Variants in PTCH1 observed in about 807,000 individuals in gnomAD.
PTCH1 encodes protein patched homolog 1.
In PTCH1, 14 loss-of-function variants were observed where a neutral mutation model predicts 144.6. The observed-to-expected ratio is 0.10, with a 90% CI of 0.06 to 0.15. The LOEUF (loss-of-function observed/expected upper bound fraction) is 0.15. Ranked by LOEUF, PTCH1 falls within the 10% of genes least tolerant of loss-of-function variation. The pLI, the probability that PTCH1 is intolerant of heterozygous loss-of-function variation, is 1.00. For missense variants in PTCH1, 1,623 were observed against 1,948.3 expected (o/e 0.83, Z 3.14); for synonymous variants, 833 against 793.6 (o/e 1.05, Z -0.83).
chr9:95,458,050 G>C lies in PTCH1; in HGVS notation c.3131C>G (p.Ala1044Gly). 1.9e-6 allele frequency: 3 copies of C among 1,614,208 alleles called. No homozygotes were observed. The South Asian group carries it at 3.3e-5, about 18-fold the overall frequency. ...VVLACTFLVC[A>G]VFLLNPWTAG... ...CGTCCAGGGGTTCAGAAGGAAGACA[G>C]CGCACACGAGGAATGTGCAGGCCAA... The change falls in exon 18 of 24, where the codon GCT (alanine) becomes GGT (glycine). Residue 1044 changes from alanine (A) to glycine (G), a missense_variant. This residue lies in a region of PTCH1 where 504 missense variants were observed against 679.3 expected (regional missense o/e 0.74). Transcript: ENST00000331920. The surrounding 1 kb of genome is among the most constrained non-coding windows in gnomAD (Gnocchi z 4.7).
intron 2 of PTCH1, among the ~76,000 whole-genome samples, chr9:95,496,846 TAA>T (rs1281647769): frequency 4.6e-5 from 7 of 152,070 alleles, no homozygotes; most frequent in Non-Finnish European, 1.0e-4. Context: ...AGCCTCTATT[TAA>T]AAAGAGGCTG....
intron 20 of PTCH1, chr9:95,453,121 A>C: frequency 2.9e-6 from 1 of 350,630 alleles, no homozygotes; most frequent in South Asian, 2.3e-5. Context: ...AACGAAGATC[A>C]CCTGAGCTAA....
intron 2 of PTCH1, among the ~76,000 whole-genome samples, chr9:95,497,518 C>T (rs955332415): frequency 1.3e-5 from 2 of 152,202 alleles, no homozygotes; most frequent in East Asian, 1.9e-4. Context: ...TGCACCCACC[C>T]GGGAGGGCTT....
rs1838267002 is a variant in PTCH1, at chr9:95,449,519, C to T, written c.3550-196G>A. On this transcript the variant is annotated intron_variant, in intron 21 of 23. Transcript: ENST00000331920. This position sits in a 1 kb window ranked among gnomAD's most constrained non-coding sequence, Gnocchi z 5.3. ...GCAGCTGGAGCAGAAGAACTGTCCT[C>T]TGCTCCACACTGGAAAGGCAGGATG... 2.8e-6 allele frequency: 2 copies of T among 725,974 alleles called. No homozygotes were observed. Among genetic ancestry groups the T allele is most frequent in the Non-Finnish European group, 4.6e-6 (2 of 438,498 alleles). 45.0% of individuals were successfully genotyped at this position (725,974 alleles called of 1,614,324 possible).
chr9:95,515,221 AT>A (rs1375049157), intron 1 of PTCH1, among the ~76,000 whole-genome samples: 1 of 152,218 alleles, frequency 6.6e-6, no homozygotes, highest in Non-Finnish European at 1.5e-5. Context: ...CCTAAAAGAA[AT>A]GCACACACAC....
intron 12 of PTCH1, chr9:95,474,101 T>C: frequency 4.0e-6 from 2 of 503,538 alleles, no homozygotes; most frequent in Non-Finnish European, 7.9e-6. Context: ...CACCACAGGG[T>C]ATCATTAAAG....
chr9:95,462,117 A>G lies in PTCH1; in HGVS notation c.2561-119T>C, dbSNP rs995763402. The G allele has an allele frequency of 3.4e-6, 4 of 1,167,004 alleles. No homozygotes were observed. The Admixed American group carries it at 5.1e-5, about 15-fold the overall frequency. The allele number at this position is 1,167,004 out of a possible 1,614,324, so 72.3% of individuals were successfully genotyped here. A position where few individuals can be genotyped will look rare whatever the true frequency, so the allele number is the denominator to read the frequency against. ...GGGCTCTTAGACGTCCATCAGAAAC[A>G]CACCCTCTGTGTCCCACATCCACTT... On this transcript the variant is annotated intron_variant, in intron 15 of 23. Coordinates refer to ENST00000331920, the MANE Select transcript of PTCH1 (RefSeq NM_000264.5).
rs763774051 is a variant in PTCH1, at chr9:95,485,856, C to G, written c.413G>C (p.Arg138Pro). ...CTTCTGGCGAGTATAATTTAATTCA[C>G]GACTTACTCGTCCTCCAACTGACAA... is the stretch of plus-strand genomic sequence containing the variant. ...LWVEVGGRVS[R>P]ELNYTRQKIG... is the part of the protein sequence containing the mutation. Residue 138 changes from arginine (R) to proline (P), a missense_variant, in exon 3 of 24, where the codon CGT becomes CCT. Coordinates refer to ENST00000331920, the MANE Select transcript of PTCH1 (RefSeq NM_000264.5). 6.2e-7 allele frequency: 1 copy of G among 1,614,170 alleles called. No homozygotes were observed. Among genetic ancestry groups the G allele is most frequent in the Non-Finnish European group, 8.5e-7 (1 of 1,180,040 alleles).
intron 1 of PTCH1, among the ~76,000 whole-genome samples, chr9:95,515,507 C>A (rs777257666): frequency 6.6e-6 from 1 of 152,212 alleles, no homozygotes; most frequent in Non-Finnish European, 1.5e-5. Flanking sequence ...TGCTCATCCA[C>A]ACGCTAGCAT....
At chr9:95,454,329 A>C (rs1838732234) in intron 19 of PTCH1, among the ~76,000 whole-genome samples, 1 of 152,206 alleles carries the variant, frequency 6.6e-6, no homozygotes, top group South Asian at 2.1e-4. Context: ...TGAACCTGGC[A>C]CAAGTTCTCT....
In PTCH1 at chr9:95,508,827, T is replaced by C; in HGVS notation, c.-466A>G. 12 of 980,950 alleles carry C rather than the reference T, an allele frequency of 1.2e-5. No individual in the cohort carries two copies. The highest frequency in any genetic ancestry group is 1.4e-5 in the Non-Finnish European group (12 of 828,614). The allele number at this position is 980,950 out of a possible 1,614,324, so 60.8% of individuals were successfully genotyped here. ...CGCTGCTCCCGCCGGCCGCGCTGGC[T>C]CTCTCGGCGCCTCCCGGGTCGCCCG... is the stretch of plus-strand genomic sequence containing the variant. On this transcript the variant is annotated 5_prime_UTR_variant, in exon 1 of 24. Transcript: ENST00000331920.
intron 2 of PTCH1, among the ~76,000 whole-genome samples, chr9:95,495,583 T>C (rs1227520896): frequency 3.3e-5 from 5 of 152,072 alleles, no homozygotes; most frequent in African/African-American, 1.2e-4. Context: ...GTCAAGCAGT[T>C]TGGGAAGAGT....
At chr9:95,468,613 AG>A (rs1840251057) in intron 14 of PTCH1, 137 bp downstream of exon 14, 1 of 1,146,186 alleles carries the variant, frequency 8.7e-7, no homozygotes, top group African/African-American at 1.6e-5. Context: ...TGACTTTTGG[AG>A]GACTGAAATG....
At chr9:95,456,007 G>A (rs1199842306) in intron 19 of PTCH1, among the ~76,000 whole-genome samples, 1 of 152,206 alleles carries the variant, frequency 6.6e-6, no homozygotes, top group South Asian at 2.1e-4. Flanking sequence ...GGTGAGCACG[G>A]CCCTTCAAGG....
rs548096592 is a variant in PTCH1 at position 95,444,104 on chromosome 9, G to GT, written c.*2288dup. The GT allele has an allele frequency of 0.037, 5,378 of 145,418 alleles. 205 individuals carry two copies. The highest frequency in any genetic ancestry group is 0.099 in the African/African-American group (3,952 of 39,964). 9.0% of individuals were successfully genotyped at this position (145,418 alleles called of 1,614,324 possible). A position where few individuals can be genotyped will look rare whatever the true frequency, so the allele number is the denominator to read the frequency against. ...ATACAAAATTATAAATATCAGCAAA[G>GT]TTTTTTTTTTTTTAAAAATTAAAAC... On this transcript the variant is annotated 3_prime_UTR_variant, in exon 24 of 24. Transcript: ENST00000331920.
In PTCH1 at chr9:95,468,896, G is replaced by C. The variant is rs368362152; in HGVS notation, c.2105C>G (p.Pro702Arg). The C allele has an allele frequency of 3.5e-5, 56 of 1,614,040 alleles. No individual in the cohort carries two copies. The highest frequency in any genetic ancestry group is 1.1e-4 in the East Asian group (5 of 44,882). Residue 702 changes from proline (P) to arginine (R), a missense_variant, in exon 14 of 24, where the codon CCA becomes CGA. Transcript: ENST00000331920. ...VTQDTLSCQSPESTSSTRDLL... is the reference protein window; with the variant it reads ...VTQDTLSCQSRESTSSTRDLL... ...GTCCCTTGTGGAGCTGGTGCTCTCT[G>C]GGCTCTGGCAGCTGAGGGTGTCCTG...
intron 12 of PTCH1, among the ~76,000 whole-genome samples, chr9:95,471,584 C>A (rs146770190): frequency 2.0e-5 from 3 of 152,286 alleles, no homozygotes; most frequent in African/African-American, 7.2e-5. Context: ...AAGACAAAAT[C>A]CTACTCTCAA....
chr9:95,478,783 A>G (rs554201459), intron 8 of PTCH1, among the ~76,000 whole-genome samples: 2 of 152,278 alleles, frequency 1.3e-5, no homozygotes, highest in African/African-American at 2.4e-5. Context: ...ACTGGTTACT[A>G]AACATGTCTC....
chr9:95,474,056 C>T (rs369961154), intron 12 of PTCH1: 55 of 497,094 alleles, frequency 1.1e-4, no homozygotes, highest in African/African-American at 9.3e-4. Context: ...GGCTACTCCT[C>T]GTAAGGAAAC....
Sources: gnomAD v4.1 joint callset for allele counts (sites outside exome capture counted in the v4.1 genomes callset) on GRCh38, gnomAD v4.1.1 for gene constraint, gnomAD v4.1.1 regional missense constraint, Gnocchi (gnomAD v3.1) non-coding constraint, MANE v1.5 for transcripts, NCBI Gene and HGNC (gene_info 2026-07-23, HGNC 2026-07-21) for gene names.